Variants in PCDH19 observed in about 807,000 individuals in gnomAD.
PCDH19 encodes the protein protocadherin 19.
Under a neutral mutation model 46.2 loss-of-function variants are expected in PCDH19, and 6 were observed. The observed-to-expected ratio is 0.13, with a 90% CI of 0.07 to 0.26. The LOEUF (loss-of-function observed/expected upper bound fraction) is 0.26, where lower values mean the gene tolerates loss of function less well. Among genes scored for constraint, PCDH19 ranks in the 10% least tolerant of loss-of-function variants. The pLI, the probability that PCDH19 is intolerant of heterozygous loss-of-function variation, is 1.00. For synonymous variants in PCDH19, 481 were observed against 415.7 expected, an observed-to-expected ratio of 1.16 and a Z score of -1.91; for missense variants, 740 against 972.3, an observed-to-expected ratio of 0.76 and a Z score of 3.18.
intron 3 of PCDH19, among the ~76,000 whole-genome samples, chrX:100,389,558 T>C (rs1927810228): frequency 9.0e-6 from 1 of 111,275 alleles, no homozygotes; most frequent in Non-Finnish European, 1.9e-5. Context: ...TTTTAAAAAA[T>C]GGTAACTATA....
chrX:100,385,716 G>A (rs1453186849), intron 3 of PCDH19, among the ~76,000 whole-genome samples: 2 of 111,191 alleles, frequency 1.8e-5, no homozygotes, highest in Non-Finnish European at 3.8e-5. Context: ...CCAACATGGC[G>A]AAACCCCGTC....
chrX:100,309,179 C>CACACACACA (rs1411766421), intron 5 of PCDH19, among the ~76,000 whole-genome samples: 2 of 110,741 alleles, frequency 1.8e-5, no homozygotes, highest in Non-Finnish European at 3.8e-5. Flanking sequence ...CACACACACA[C>CACACACACA]ACCATGGAAA....
intron 3 of PCDH19, among the ~76,000 whole-genome samples, chrX:100,396,913 C>T (rs1928041239): frequency 8.9e-6 from 1 of 112,044 alleles, no homozygotes; most frequent in Admixed American, 9.4e-5. Flanking sequence ...ATTGCTTTCT[C>T]CTTCAGGGTT....
rs1924536327 is a variant in PCDH19 at position 100,294,676 on chromosome X, T to C, written c.*1601A>G. ...TGAAAACAGAACCATAAAACTTGTT[T>C]CTCTAGAAACAACTCTCTTAAGACC... is the stretch of plus-strand genomic sequence containing the variant. On this transcript the variant is annotated 3_prime_UTR_variant, in exon 6 of 6. Transcript: ENST00000373034. 1 of 111,828 alleles carries C rather than the reference T, an allele frequency of 8.9e-6. No individual in the cohort carries two copies. Among genetic ancestry groups the C allele is most frequent in the Admixed American group, 9.5e-5 (1 of 10,514 alleles). 9.2% of individuals were successfully genotyped at this position (111,828 alleles called of 1,213,427 possible).
At position 100,410,031 on chromosome X, in the gene PCDH19, G is replaced by A; in HGVS notation, c.-1434C>T. 3.4e-6 allele frequency: 1 copy of A among 297,467 alleles called. No homozygotes were observed. Among genetic ancestry groups the A allele is most frequent in the Non-Finnish European group, 5.9e-6 (1 of 170,828 alleles). 24.5% of individuals were successfully genotyped at this position (297,467 alleles called of 1,213,427 possible). A position where few individuals can be genotyped will look rare whatever the true frequency, so the allele number is the denominator to read the frequency against. On this transcript the variant is annotated 5_prime_UTR_variant, in exon 1 of 6. Coordinates refer to ENST00000373034, the MANE Select transcript of PCDH19 (RefSeq NM_001184880.2). ...GTGAGTGTGGAGTATGAGCAAGCAGGAGGCAATGGGTTTGGGGTAGGAGGT... is the reference window on the plus strand; with the variant it reads ...GTGAGTGTGGAGTATGAGCAAGCAGAAGGCAATGGGTTTGGGGTAGGAGGT...
chrX:100,390,123 C>T (rs187679467), intron 3 of PCDH19, among the ~76,000 whole-genome samples: 9 of 111,546 alleles, frequency 8.1e-5, no homozygotes, highest in African/African-American at 2.9e-4. Flanking sequence ...TCCTCAGTGG[C>T]AATATAAACT....
At chrX:100,313,231 T>C (rs1925185790) in intron 5 of PCDH19, among the ~76,000 whole-genome samples, 1 of 111,661 alleles carries the variant, frequency 9.0e-6, no homozygotes, top group African/African-American at 3.3e-5. Context: ...ACTTGTTGGT[T>C]AAAATGCCAG....
At chrX:100,383,195 C>T (rs1235097446) in intron 3 of PCDH19, among the ~76,000 whole-genome samples, 3 of 112,021 alleles carry the variant, frequency 2.7e-5, no homozygotes, top group Non-Finnish European at 5.6e-5. Flanking sequence ...GGTGCTTGAA[C>T]ACTCACATTG....
intron 3 of PCDH19, among the ~76,000 whole-genome samples, chrX:100,386,339 G>A (rs1437158982): frequency 9.0e-6 from 1 of 111,237 alleles, no homozygotes. Context: ...TGCTTAGTAG[G>A]GCTCTCTTCA....
chrX:100,341,481 AG>A (rs1926250215), intron 5 of PCDH19, among the ~76,000 whole-genome samples: 1 of 111,965 alleles, frequency 8.9e-6, no homozygotes, highest in South Asian at 3.8e-4. Context: ...AAAGCTAACC[AG>A]TCTGATAGGG....
rs1924564898 is a variant in PCDH19, at chrX:100,295,452, C to T, written c.*825G>A. ...TGATCTATCATGGACCTGGGCAGACCACTGAAAGGCAGGAAAAATACTTTG... is the reference window on the plus strand; with the variant it reads ...TGATCTATCATGGACCTGGGCAGACTACTGAAAGGCAGGAAAAATACTTTG... On this transcript the variant is annotated 3_prime_UTR_variant, in exon 6 of 6. Transcript: ENST00000373034. 1 of 111,875 alleles carries T rather than the reference C, an allele frequency of 8.9e-6. No individual in the cohort carries two copies. Among genetic ancestry groups the T allele is most frequent in the Admixed American group, 9.5e-5 (1 of 10,550 alleles). 9.2% of individuals were successfully genotyped at this position (111,875 alleles called of 1,213,427 possible).
chrX:100,409,734 C>CAAA lies in PCDH19; in HGVS notation c.-1138_-1137insTTT. On this transcript the variant is annotated 5_prime_UTR_variant, in exon 1 of 6. Coordinates refer to ENST00000373034, the MANE Select transcript of PCDH19 (RefSeq NM_001184880.2). ...TCCGCCGCCGCCGCCGCCGCCGCCG[C>CAAA]CGCCGCGGGAGGAAGCCCTCCTAGC... The CAAA allele has an allele frequency of 3.7e-6, 1 of 269,410 alleles. No individual in the cohort carries two copies. The allele number at this position is 269,410 out of a possible 1,213,427, so 22.2% of individuals were successfully genotyped here.
intron 3 of PCDH19, among the ~76,000 whole-genome samples, chrX:100,386,217 C>G (rs1054666441): frequency 9.9e-5 from 11 of 110,913 alleles, no homozygotes; most frequent in African/African-American, 3.3e-4. Flanking sequence ...CGAACAGCAG[C>G]CATAGGAAGT....
At chrX:100,385,885 C>A (rs1306134465) in intron 3 of PCDH19, among the ~76,000 whole-genome samples, 2 of 109,917 alleles carry the variant, frequency 1.8e-5, no homozygotes, top group Non-Finnish European at 3.8e-5. Flanking sequence ...CAGAGTGAGA[C>A]TCCATCTCAA....
chrX:100,389,243 T>C (rs1006056262), intron 3 of PCDH19, among the ~76,000 whole-genome samples: 2 of 111,297 alleles, frequency 1.8e-5, no homozygotes, highest in African/African-American at 6.5e-5. Flanking sequence ...GAGACAGAGA[T>C]TTTTGTTCAC....
intron 3 of PCDH19, among the ~76,000 whole-genome samples, chrX:100,371,883 C>CA (rs59737490): frequency 0.3 from 29,618 of 98,275 alleles, 3,449 homozygotes; most frequent in Non-Finnish European, 0.34. Context: ...CACACACACA[C>CA]CCACACAAAA....
At chrX:100,377,921 G>A (rs1447067051) in intron 3 of PCDH19, among the ~76,000 whole-genome samples, 2 of 112,342 alleles carry the variant, frequency 1.8e-5, no homozygotes, top group Admixed American at 9.4e-5. Context: ...ATACGAAATA[G>A]TGGTGAAGAG....
At chrX:100,340,124 A>G (rs1926209299) in intron 5 of PCDH19, among the ~76,000 whole-genome samples, 1 of 111,612 alleles carries the variant, frequency 9.0e-6, no homozygotes, top group African/African-American at 3.3e-5. Context: ...CCAAATGACT[A>G]AGCTGAAATA....
At chrX:100,352,298 A>G (rs1368137879) in intron 3 of PCDH19, among the ~76,000 whole-genome samples, 1 of 112,592 alleles carries the variant, frequency 8.9e-6, no homozygotes, top group East Asian at 2.8e-4. Flanking sequence ...CAATCCAAGT[A>G]TTTGCTGGAA....
Sources: gnomAD v4.1 joint callset for allele counts (sites outside exome capture counted in the v4.1 genomes callset) on GRCh38, gnomAD v4.1.1 for gene constraint, MANE v1.5 for transcripts, NCBI Gene and HGNC (gene_info 2026-07-23, HGNC 2026-07-21) for gene names.